Variants in SEC22C observed in about 807,000 individuals in gnomAD.
The protein encoded by SEC22C is vesicle-trafficking protein SEC22c.
Under a neutral mutation model 34.7 loss-of-function variants are expected in SEC22C, and 29 were observed. The observed-to-expected ratio is 0.84, with a 90% CI of 0.62 to 1.14. The LOEUF is 1.14. Among genes scored for constraint, SEC22C ranks in the 50% most tolerant of loss-of-function variants. The probability of loss-of-function intolerance (pLI) is 0.00; values close to 1 mark genes in which losing one functional copy is unlikely to be tolerated. For missense variants in SEC22C, 337 were observed against 369.0 expected (o/e 0.91, Z 0.71); for synonymous variants, 117 against 132.8 (o/e 0.88, Z 0.82).
chr3:42,590,758 C>T (rs912760738), intron 1 of SEC22C: 3 of 888,074 alleles, frequency 3.4e-6, no homozygotes, highest in African/African-American at 3.3e-5. Context: ...CTGAGTATAG[C>T]TCTTGCGCGT....
chr3:42,599,840 CAT>C (rs1218781725), intron 1 of SEC22C, among the ~76,000 whole-genome samples: 1 of 152,074 alleles, frequency 6.6e-6, no homozygotes, highest in Non-Finnish European at 1.5e-5. Context: ...CTATGTAAAA[CAT>C]ATATGAGAAC....
At chr3:42,563,251 C>T (rs529940236) in intron 3 of SEC22C, among the ~76,000 whole-genome samples, 62 of 152,332 alleles carry the variant, frequency 4.1e-4, no homozygotes, top group African/African-American at 1.5e-3. Flanking sequence ...CTGACCCCAG[C>T]TTCAGAGAGC....
intron 4 of SEC22C, among the ~76,000 whole-genome samples, chr3:42,558,888 A>G (rs1288046791): frequency 6.6e-6 from 1 of 152,254 alleles, no homozygotes; most frequent in Non-Finnish European, 1.5e-5. Context: ...TGTTTAAAGC[A>G]TTTCTATTAT....
chr3:42,596,852 G>T (rs564481664), intron 1 of SEC22C, among the ~76,000 whole-genome samples: 2 of 152,152 alleles, frequency 1.3e-5, no homozygotes, highest in Non-Finnish European at 2.9e-5. Context: ...AGAATTGCTG[G>T]AATGTCAAGA....
chr3:42,580,140 T>A (rs1342008523), intron 1 of SEC22C, among the ~76,000 whole-genome samples: 1 of 152,214 alleles, frequency 6.6e-6, no homozygotes, highest in Non-Finnish European at 1.5e-5. Flanking sequence ...ACTTTATGCC[T>A]ATGCTGCAGG....
chr3:42,578,308 C>T (rs961916274), intron 1 of SEC22C, among the ~76,000 whole-genome samples: 6 of 152,096 alleles, frequency 3.9e-5, no homozygotes, highest in African/African-American at 1.2e-4. Flanking sequence ...TTATAAAAAG[C>T]CCGTATCAAA....
At chr3:42,567,655 T>C (rs932952052) in intron 2 of SEC22C, among the ~76,000 whole-genome samples, 1 of 152,202 alleles carries the variant, frequency 6.6e-6, no homozygotes, top group Non-Finnish European at 1.5e-5. Context: ...AATGGAACAT[T>C]TTCCCCACTG....
upstream of SEC22C, among the ~76,000 whole-genome samples, chr3:42,584,536 G>A (rs572768786): frequency 6.6e-6 from 1 of 152,220 alleles, no homozygotes; most frequent in Non-Finnish European, 1.5e-5. Context: ...GATTACAGGC[G>A]TGAGCCACCA....
At position 42,548,596 on chromosome 3, in the gene SEC22C, T is replaced by C. The variant is rs549668824; in HGVS notation, c.*4652A>G. 5 of 1,613,416 alleles carry C rather than the reference T, an allele frequency of 3.1e-6. No individual in the cohort carries two copies. Among genetic ancestry groups the C allele is most frequent in the Middle Eastern group, 1.8e-4 (1 of 5,596 alleles). ...ATGGGAGAATCAGAGCTCTCCTCAT[T>C]TGGGTCAGGGGTGGCTGGCTCACGA... On this transcript the variant is annotated 3_prime_UTR_variant, in exon 7 of 7. Transcript: ENST00000264454.
At chr3:42,568,423 A>C (rs920316484) in intron 2 of SEC22C, among the ~76,000 whole-genome samples, 1 of 152,058 alleles carries the variant, frequency 6.6e-6, no homozygotes, top group African/African-American at 2.4e-5. Context: ...AGGCAGGTGG[A>C]TCACCTGAGA....
intron 1 of SEC22C, among the ~76,000 whole-genome samples, chr3:42,570,947 G>A (rs952095660): frequency 2.6e-5 from 4 of 152,120 alleles, no homozygotes; most frequent in Non-Finnish European, 5.9e-5. Context: ...GCCAAAAAGA[G>A]ACAGTCAATG....
chr3:42,552,945 C>T lies in SEC22C; in HGVS notation c.*303G>A, dbSNP rs928763155. Reference sequence around the variant, plus strand: ...TACTGTATCATTCAACTTAAAAGACCAAAATATTTCCTTTCTCTCTTCCAA... The same window carrying T: ...TACTGTATCATTCAACTTAAAAGACTAAAATATTTCCTTTCTCTCTTCCAA... On this transcript the variant is annotated 3_prime_UTR_variant, in exon 7 of 7. Transcript: ENST00000264454. 9.6e-6 allele frequency: 11 copies of T among 1,139,972 alleles called. No individual in the cohort carries two copies. Among genetic ancestry groups the T allele is most frequent in the East Asian group, 5.8e-5 (1 of 17,154 alleles). The allele number at this position is 1,139,972 out of a possible 1,614,324, so 70.6% of individuals were successfully genotyped here. A position where few individuals can be genotyped will look rare whatever the true frequency, so the allele number is the denominator to read the frequency against.
chr3:42,555,904 A>G (rs1402913803), intron 6 of SEC22C, 26 bp downstream of exon 6: 1 of 1,581,990 alleles, frequency 6.3e-7, no homozygotes, highest in Admixed American at 1.7e-5. Context: ...GATTTAATCC[A>G]CTGACCAAAA....
rs560559691 is a variant in SEC22C at position 42,563,833 on chromosome 3, G to A, written c.183-147C>T. ...TTGCTGCAGGTATATTGTCTCTTCA[G>A]TTCGACCTATTCCTGAGACTGTCTT... On this transcript the variant is annotated intron_variant, in intron 2 of 6. Transcript: ENST00000264454. The A allele has an allele frequency of 8.5e-6, 13 of 1,524,732 alleles. No individual in the cohort carries two copies. In the East Asian group the frequency reaches 3.1e-4, roughly 36 times the overall value. The allele number at this position is 1,524,732 out of a possible 1,614,324, so 94.5% of individuals were successfully genotyped here.
rs1702323221 is a variant in SEC22C, at chr3:42,553,045, G to A, written c.*203C>T. 3 of 1,414,240 alleles carry A rather than the reference G, an allele frequency of 2.1e-6. No homozygotes were observed. The highest frequency in any genetic ancestry group is 1.4e-5 in the African/African-American group (1 of 69,256). The allele number at this position is 1,414,240 out of a possible 1,614,324, so 87.6% of individuals were successfully genotyped here. A position where few individuals can be genotyped will look rare whatever the true frequency, so the allele number is the denominator to read the frequency against. Reference sequence around the variant, plus strand: ...TGCTGAACTGGCTGGAGATCCTGCAGTAATGCTTGGCACAGAACCAAGGCT... The same window carrying A: ...TGCTGAACTGGCTGGAGATCCTGCAATAATGCTTGGCACAGAACCAAGGCT... On this transcript the variant is annotated 3_prime_UTR_variant, in exon 7 of 7. Transcript: ENST00000264454.
intron 3 of SEC22C, among the ~76,000 whole-genome samples, chr3:42,561,993 CAA>C (rs3836501): frequency 6.7e-6 from 1 of 148,824 alleles, no homozygotes; most frequent in Non-Finnish European, 1.5e-5. Flanking sequence ...CTGATTAACT[CAA>C]AAAAAAAGGG....
chr3:42,586,414 G>C (rs1704610116), upstream of SEC22C, among the ~76,000 whole-genome samples: 1 of 151,886 alleles, frequency 6.6e-6, no homozygotes, highest in Non-Finnish European at 1.5e-5. Context: ...GTAGAGACAG[G>C]GTTTCAACAT....
Position 42,553,410 on chromosome 3 carries a change from C to T in SEC22C, c.750G>A (p.Met250Ile). 1 of 1,614,148 alleles carries T rather than the reference C, an allele frequency of 6.2e-7. No individual in the cohort carries two copies. Among genetic ancestry groups the T allele is most frequent in the Non-Finnish European group, 8.5e-7 (1 of 1,180,036 alleles). ...TAAAGAGCAGCATAAGCACCACCTT[C>T]ATAGTCCTGGCTGGACTGTAGAACA... ...LYLFYSPARTMKVVLMLLFIC... is the reference protein window; with the variant it reads ...LYLFYSPARTIKVVLMLLFIC... The change falls in exon 7 of 7, where the codon ATG (methionine) becomes ATA (isoleucine). Residue 250 changes from methionine to isoleucine, a missense_variant. Transcript: ENST00000264454.
chr3:42,565,304 G>T (rs965256644), intron 2 of SEC22C, among the ~76,000 whole-genome samples: 4 of 151,996 alleles, frequency 2.6e-5, no homozygotes, highest in African/African-American at 9.7e-5. Context: ...AGGTTATGTT[G>T]TTCTACCAAC....
Sources: gnomAD v4.1 joint callset for allele counts (sites outside exome capture counted in the v4.1 genomes callset) on GRCh38, gnomAD v4.1.1 for gene constraint, MANE v1.5 for transcripts, NCBI Gene and HGNC (gene_info 2026-07-23, HGNC 2026-07-21) for gene names.